SETBP1: variants seen among roughly 807,000 people sequenced by gnomAD.
The protein encoded by SETBP1 is SET binding protein 1.
Under a neutral mutation model 101.0 loss-of-function variants are expected in SETBP1, and 9 were observed. The ratio of observed to expected loss-of-function variants is 0.09; its 90% CI spans 0.05 to 0.16. SETBP1 has a LOEUF of 0.16. SETBP1 is among the 10% of genes least tolerant of loss of function. SETBP1 has a pLI of 1.00. For synonymous variants in SETBP1, 818 were observed against 788.5 expected (o/e 1.04, Z -0.63); for missense variants, 1,858 against 2,033.8 (o/e 0.91, Z 1.66).
At chr18:44,864,046 G>A (rs1309418471) in intron 2 of SETBP1, among the ~76,000 whole-genome samples, 1 of 152,130 alleles carries the variant, frequency 6.6e-6, no homozygotes, top group East Asian at 1.9e-4. Context: ...TCCAAATGGA[G>A]TATGCATTTT....
chr18:44,953,158 C>A lies in SETBP1; in HGVS notation c.3818C>A (p.Thr1273Lys). ...YSGSGGDGGSTRSENLDVFSE... is the reference protein window; with the variant it reads ...YSGSGGDGGSKRSENLDVFSE... ...GGCAGTGGCGGGGATGGTGGCAGCACGAGATCAGAGAACCTGGACGTGTTC... is the reference window on the plus strand; with the variant it reads ...GGCAGTGGCGGGGATGGTGGCAGCAAGAGATCAGAGAACCTGGACGTGTTC... The change falls in exon 4 of 6, where the codon ACG becomes AAG. Residue 1273 changes from threonine to lysine, a missense_variant. By Grantham distance (78) the Thr-to-Lys change is moderately conservative. Transcript: ENST00000649279. 6.2e-7 allele frequency: 1 copy of A among 1,613,874 alleles called. No individual in the cohort carries two copies. The highest frequency in any genetic ancestry group is 8.5e-7 in the Non-Finnish European group (1 of 1,179,980).
At chr18:45,061,154 AT>A (rs1338287666) in intron 5 of SETBP1, among the ~76,000 whole-genome samples, 1 of 152,212 alleles carries the variant, frequency 6.6e-6, no homozygotes, top group Non-Finnish European at 1.5e-5. Context: ...GACAAGGTAA[AT>A]TATCTGTCAC....
At chr18:44,930,903 G>T (rs1483960842) in intron 3 of SETBP1, among the ~76,000 whole-genome samples, 1 of 151,034 alleles carries the variant, frequency 6.6e-6, no homozygotes, top group Non-Finnish European at 1.5e-5. Flanking sequence ...TGGATTCATT[G>T]ATTTTTTTGA....
At chr18:44,981,649 C>A (rs2072115302) in intron 4 of SETBP1, among the ~76,000 whole-genome samples, 1 of 152,216 alleles carries the variant, frequency 6.6e-6, no homozygotes, top group South Asian at 2.1e-4. Flanking sequence ...AGACTACTGG[C>A]TGCCTTGCCC....
chr18:44,745,425 T>C (rs1342956619), intron 2 of SETBP1, among the ~76,000 whole-genome samples: 3 of 152,202 alleles, frequency 2.0e-5, no homozygotes, highest in African/African-American at 4.8e-5. Context: ...ATTCATTGTG[T>C]GACCTTGGGT....
intron 2 of SETBP1, among the ~76,000 whole-genome samples, chr18:44,786,588 G>T (rs1370682149): frequency 6.6e-6 from 1 of 152,216 alleles, no homozygotes; most frequent in Non-Finnish European, 1.5e-5. Context: ...TAACAGGGAA[G>T]GGAAAGATTC....
At chr18:44,861,229 C>CTTTTTTTTTTTTTT (rs775284488) in intron 2 of SETBP1, among the ~76,000 whole-genome samples, 2 of 88,344 alleles carry the variant, frequency 2.3e-5, no homozygotes, top group African/African-American at 8.8e-5. Context: ...TTTTTCTTTT[C>CTTTTTTTTTTTTTT]TTTTTTTTTT....
intron 2 of SETBP1, among the ~76,000 whole-genome samples, chr18:44,843,396 G>T (rs931164432): frequency 6.6e-6 from 1 of 152,168 alleles, no homozygotes; most frequent in African/African-American, 2.4e-5. Context: ...TCAACCATCA[G>T]CTGGAGAGTT....
At chr18:44,720,077 T>A (rs1200649250) in intron 2 of SETBP1, among the ~76,000 whole-genome samples, 1 of 152,206 alleles carries the variant, frequency 6.6e-6, no homozygotes, top group African/African-American at 2.4e-5. Context: ...TGTTGTGTGC[T>A]CATACACATA....
chr18:44,742,070 G>C (rs2070111414), intron 2 of SETBP1, among the ~76,000 whole-genome samples: 1 of 152,190 alleles, frequency 6.6e-6, no homozygotes, highest in African/African-American at 2.4e-5. Context: ...AATCCCTGGT[G>C]GTCTTGCTCA....
At chr18:44,707,877 G>A (rs1267773457) in intron 2 of SETBP1, among the ~76,000 whole-genome samples, 1 of 152,198 alleles carries the variant, frequency 6.6e-6, no homozygotes, top group African/African-American at 2.4e-5. Context: ...GTGACTCTGT[G>A]TAGAGGAGCT....
intron 1 of SETBP1, among the ~76,000 whole-genome samples, chr18:44,700,185 C>T (rs1307990777): frequency 6.6e-6 from 1 of 151,982 alleles, no homozygotes; most frequent in Non-Finnish European, 1.5e-5. Flanking sequence ...AATAATAGAA[C>T]GTGGGGTGAA....
At chr18:44,874,999 C>G (rs190330478) in intron 3 of SETBP1, among the ~76,000 whole-genome samples, 1 of 152,276 alleles carries the variant, frequency 6.6e-6, no homozygotes, top group Admixed American at 6.5e-5. Context: ...CAAGGAGGGT[C>G]TATGTATTGG....
At chr18:44,729,886 C>G (rs1389044993) in intron 2 of SETBP1, among the ~76,000 whole-genome samples, 1 of 152,194 alleles carries the variant, frequency 6.6e-6, no homozygotes, top group Non-Finnish European at 1.5e-5. Flanking sequence ...GTCACACAGG[C>G]TTTTGCACCG....
At chr18:44,971,006 T>C (rs1401403063) in intron 4 of SETBP1, among the ~76,000 whole-genome samples, 1 of 152,138 alleles carries the variant, frequency 6.6e-6, no homozygotes, top group Non-Finnish European at 1.5e-5. Context: ...CTCCTAATGC[T>C]ATGCCTCCCC....
Position 45,063,466 on chromosome 18 carries a change from CGCCCCT to C in SETBP1, c.4565_4570del (p.Leu1522_Pro1523del). On this transcript the variant is annotated inframe_deletion, in exon 6 of 6. Coordinates refer to ENST00000649279, the MANE Select transcript of SETBP1 (RefSeq NM_015559.3). ...GTCATCCACATGGCCCGGGAGGCGC[CGCCCCT>C]GCCCCCGCCACCGCCGCCGCCCCTG... 1 of 1,459,624 alleles carries C rather than the reference CGCCCCT, an allele frequency of 6.9e-7. No individual in the cohort carries two copies. The highest frequency in any genetic ancestry group is 9.0e-7 in the Non-Finnish European group (1 of 1,109,956). 90.4% of individuals were successfully genotyped at this position (1,459,624 alleles called of 1,614,324 possible). A position where few individuals can be genotyped will look rare whatever the true frequency, so the allele number is the denominator to read the frequency against.
intron 1 of SETBP1, among the ~76,000 whole-genome samples, chr18:44,691,164 A>G (rs1014173171): frequency 5.3e-5 from 8 of 152,160 alleles, no homozygotes; most frequent in African/African-American, 1.9e-4. Flanking sequence ...TTGTAATCAT[A>G]TATACCTCGA....
At chr18:44,701,927 A>C (rs775934730) in intron 2 of SETBP1, 95 bp downstream of exon 2, 158 of 1,406,622 alleles carry the variant, frequency 1.1e-4, no homozygotes, top group Non-Finnish European at 1.4e-4. Context: ...ATTATATTTG[A>C]CTCTAGAACA....
chr18:44,773,836 T>TTGTGTGTGTGTG (rs1280926160), intron 2 of SETBP1, among the ~76,000 whole-genome samples: 10 of 36,370 alleles, frequency 2.7e-4, no homozygotes, highest in South Asian at 2.3e-3. Context: ...CTCTCTCTGT[T>TTGTGTGTGTGTG]TATGTGTGTG....
Sources: allele counts gnomAD v4.1 joint callset (sites outside exome capture counted in the v4.1 genomes callset), GRCh38; gene constraint gnomAD v4.1.1; transcripts MANE v1.5; gene names NCBI Gene and HGNC (gene_info 2026-07-23, HGNC 2026-07-21).